The following ANKRD11 variants were observed in gnomAD, a reference collection of about 807,000 sequenced individuals.
ANKRD11 encodes ankyrin repeat domain-containing protein 11.
In ANKRD11, 17 loss-of-function variants were observed where a neutral mutation model predicts 195.7. That is an observed-to-expected ratio of 0.09 (90% CI 0.06 to 0.13). The LOEUF (loss-of-function observed/expected upper bound fraction) is 0.13. Among genes scored for constraint, ANKRD11 ranks in the 10% least tolerant of loss-of-function variants. The pLI is 1.00. For synonymous variants in ANKRD11, 1,953 were observed against 1,528.1 expected, an observed-to-expected ratio of 1.28 and a Z score of -6.49; for missense variants, 3,735 against 3,566.1, an observed-to-expected ratio of 1.05 and a Z score of -1.21.
chr16:89,388,567 C>T (rs2041031393), intron 2 of ANKRD11, among the ~76,000 whole-genome samples: 1 of 152,106 alleles, frequency 6.6e-6, no homozygotes, highest in African/African-American at 2.4e-5. Flanking sequence ...CTGAATGCTG[C>T]ATGTGTGTCT....
Position 89,380,669 on chromosome 16 carries a change from C to G in ANKRD11, c.-60+37615G>C, listed in dbSNP as rs556340647. 5.9e-5 allele frequency among the ~76,000 whole-genome samples: 9 copies of G among 152,292 alleles called. No individual in the cohort carries two copies. The South Asian group carries it at 1.4e-3, about 25-fold the overall frequency. ...ACAGGCTTCTAGATCTGCAGAAACTCTAGAAATAAATGAAGGAAAGCCTGA... is the reference window on the plus strand; with the variant it reads ...ACAGGCTTCTAGATCTGCAGAAACTGTAGAAATAAATGAAGGAAAGCCTGA... On this transcript the variant is annotated intron_variant, in intron 2 of 12. Coordinates refer to ENST00000301030, the MANE Select transcript of ANKRD11 (RefSeq NM_013275.6).
At chr16:89,376,085 T>C (rs1272505994) in intron 2 of ANKRD11, among the ~76,000 whole-genome samples, 1 of 152,248 alleles carries the variant, frequency 6.6e-6, no homozygotes, top group Non-Finnish European at 1.5e-5. Flanking sequence ...AAAATTTTTT[T>C]GTGAAATACC....
At chr16:89,380,557 G>A (rs2040600306) in intron 2 of ANKRD11, among the ~76,000 whole-genome samples, 1 of 97,382 alleles carries the variant, frequency 1.0e-5, no homozygotes, top group Non-Finnish European at 2.2e-5. Flanking sequence ...AGCAGCCCCA[G>A]GACCTGCCCG....
rs80252256 is a variant in ANKRD11 at position 89,324,102 on chromosome 16, G to A, written c.-59-7024C>T. On this transcript the variant is annotated intron_variant, in intron 2 of 12. Transcript: ENST00000301030. ...CTTGACCTCATGATCTGCCGGCCTC[G>A]GCCTCCCAAAGTGCCCCACGGCACA... 12 of 444,710 alleles carry A rather than the reference G, an allele frequency of 2.7e-5. No homozygotes were observed. In the East Asian group the frequency reaches 9.3e-4, roughly 34 times the overall value. 27.5% of individuals were successfully genotyped at this position (444,710 alleles called of 1,614,324 possible).
intron 1 of ANKRD11, among the ~76,000 whole-genome samples, chr16:89,480,415 T>C (rs1229892519): frequency 1.3e-5 from 2 of 150,134 alleles, no homozygotes; most frequent in African/African-American, 2.5e-5. Flanking sequence ...AGGCGGAGGT[T>C]GCAGTGAGCC....
rs2035008079 is a variant in ANKRD11 at position 89,290,728 on chromosome 16, C to T, written c.498G>A (p.Glu166=). Residue 166 remains glutamate (E), a synonymous_variant, in exon 6 of 13, where the codon GAG becomes GAA. Transcript: ENST00000301030. ...CTCGGTGCAGGCGGGTCTCTCCACGCTCGTTTCTCTTGTTCACTTTATCTT... is the reference window on the plus strand; with the variant it reads ...CTCGGTGCAGGCGGGTCTCTCCACGTTCGTTTCTCTTGTTCACTTTATCTT... The part of the protein sequence containing the change: ...KTKDKVNKRN[E]RGETRLHRAA... The T allele has an allele frequency of 5.6e-6, 9 of 1,613,874 alleles. No homozygotes were observed. The highest frequency in any genetic ancestry group is 7.6e-6 in the Non-Finnish European group (9 of 1,180,010).
intron 3 of ANKRD11, among the ~76,000 whole-genome samples, chr16:89,308,165 C>T (rs774000219): frequency 7.9e-5 from 12 of 152,102 alleles, no homozygotes; most frequent in Non-Finnish European, 1.5e-4. Context: ...AACCAACATA[C>T]CTTATGAACA....
At chr16:89,459,704 A>T (rs2152330216) in intron 1 of ANKRD11, among the ~76,000 whole-genome samples, 1 of 152,272 alleles carries the variant, frequency 6.6e-6, no homozygotes, top group South Asian at 2.1e-4. Flanking sequence ...CATGCTTGTA[A>T]TCCCAGCACA....
At chr16:89,404,233 T>A (rs2041819049) in intron 2 of ANKRD11, among the ~76,000 whole-genome samples, 1 of 152,106 alleles carries the variant, frequency 6.6e-6, no homozygotes, top group Admixed American at 6.6e-5. Context: ...TGGCCGACTG[T>A]AGAACCCTGT....
chr16:89,326,184 C>T (rs1240736774), intron 2 of ANKRD11, among the ~76,000 whole-genome samples: 3 of 152,174 alleles, frequency 2.0e-5, no homozygotes, highest in South Asian at 2.1e-4. Context: ...TAATCATGGC[C>T]GTAAGGCAGG....
chr16:89,270,720 C>A, intron 12 of ANKRD11, 97 bp downstream of exon 12: 6 of 1,213,698 alleles, frequency 4.9e-6, no homozygotes, highest in East Asian at 2.5e-5. Flanking sequence ...TGGGCAGCGG[C>A]CTCCCCCCAG....
chr16:89,413,400 C>T (rs2042173123), intron 2 of ANKRD11, among the ~76,000 whole-genome samples: 1 of 152,068 alleles, frequency 6.6e-6, no homozygotes, highest in African/African-American at 2.4e-5. Context: ...CTGAGGTGGG[C>T]AGATCACGAG....
At chr16:89,273,566 G>A (rs111947691) in intron 11 of ANKRD11, among the ~76,000 whole-genome samples, 2,289 of 152,040 alleles carry the variant, frequency 0.015, 26 homozygotes, top group Middle Eastern at 0.031. Context: ...GCATGGTAGC[G>A]CATGCCTGTG....
chr16:89,484,497 A>T (rs1433516052), intron 1 of ANKRD11, among the ~76,000 whole-genome samples: 1 of 152,188 alleles, frequency 6.6e-6, no homozygotes, highest in East Asian at 1.9e-4. Flanking sequence ...AGCCTACGCA[A>T]TCTTCCCTTT....
In ANKRD11 at chr16:89,281,996, C is replaced by G. The variant is rs1332563408; in HGVS notation, c.4546G>C (p.Asp1516His). 3 of 1,613,226 alleles carry G rather than the reference C, an allele frequency of 1.9e-6. No homozygotes were observed. The change falls in exon 9 of 13, where the codon GAC becomes CAC. Residue 1516 changes from aspartate (D) to histidine (H), a missense_variant. Asp to His is a moderately conservative substitution (Grantham distance 81). Coordinates refer to ENST00000301030, the MANE Select transcript of ANKRD11 (RefSeq NM_013275.6). This position sits in a 1 kb window ranked among gnomAD's most constrained non-coding sequence, Gnocchi z 5.5. ...DKDSPPRVLK[D>H]KSRDEGPRLG... The stretch of plus-strand genomic sequence containing the variant: ...CTCGGGCCCTCGTCCCTGGACTTGT[C>G]TTTGAGCACGCGGGGCGGGCTGTCC...
intron 1 of ANKRD11, among the ~76,000 whole-genome samples, chr16:89,478,867 G>A (rs919852573): frequency 5.9e-5 from 9 of 152,226 alleles, no homozygotes; most frequent in African/African-American, 2.2e-4. Context: ...GAGGTAATCT[G>A]GAGGTTAAAC....
At chr16:89,396,848 G>A (rs372598214) in intron 2 of ANKRD11, among the ~76,000 whole-genome samples, 4 of 152,008 alleles carry the variant, frequency 2.6e-5, no homozygotes, top group South Asian at 2.1e-4. Context: ...CACCACACCC[G>A]GCTAATTTTT....
chr16:89,340,813 A>T (rs1273477811), intron 2 of ANKRD11, among the ~76,000 whole-genome samples: 1 of 152,238 alleles, frequency 6.6e-6, no homozygotes, highest in Non-Finnish European at 1.5e-5. Context: ...CACACAGAAA[A>T]TGTACAGGTA....
chr16:89,422,389 T>C (rs1252672791), intron 1 of ANKRD11, among the ~76,000 whole-genome samples: 12 of 152,198 alleles, frequency 7.9e-5, no homozygotes, highest in African/African-American at 2.9e-4. Flanking sequence ...GGATCTTGGA[T>C]GTTATCACCA....
Sources: allele counts gnomAD v4.1 joint callset (sites outside exome capture counted in the v4.1 genomes callset), GRCh38; gene constraint gnomAD v4.1.1; non-coding constraint Gnocchi (gnomAD v3.1); transcripts MANE v1.5; gene names NCBI Gene and HGNC (gene_info 2026-07-23, HGNC 2026-07-21).